KCNMA1: variants seen among roughly 807,000 people sequenced by gnomAD.
KCNMA1 encodes the protein potassium calcium-activated channel subfamily M alpha 1.
KCNMA1 carries 29 observed loss-of-function variants against 140.0 expected under a neutral mutation model. The observed-to-expected ratio is 0.21, with a 90% confidence interval of 0.15 to 0.28. The LOEUF is 0.28. KCNMA1 is among the 10% of genes least tolerant of loss of function. KCNMA1 has a pLI of 1.00. For missense variants in KCNMA1, 880 were observed against 1,602.2 expected, an observed-to-expected ratio of 0.55 and a Z score of 7.70; for synonymous variants, 612 against 611.9, an observed-to-expected ratio of 1.00 and a Z score of 0.00.
chr10:77,562,897 A>T (rs929650919), intron 1 of KCNMA1, among the ~76,000 whole-genome samples: 1 of 152,220 alleles, frequency 6.6e-6, no homozygotes, highest in African/African-American at 2.4e-5. Flanking sequence ...CAACGCAATA[A>T]AGTAGTGAGA....
At chr10:77,613,813 AG>A (rs1418742301) in intron 1 of KCNMA1, among the ~76,000 whole-genome samples, 1 of 152,216 alleles carries the variant, frequency 6.6e-6, no homozygotes, top group East Asian at 1.9e-4. Context: ...GGAAGGAAAG[AG>A]GAGATGGATG....
At chr10:77,344,408 C>T (rs2091704596) in intron 2 of KCNMA1, among the ~76,000 whole-genome samples, 1 of 152,120 alleles carries the variant, frequency 6.6e-6, no homozygotes, top group Non-Finnish European at 1.5e-5. Context: ...CATCAAGGAC[C>T]TTGGGTACTG....
chr10:77,519,120 G>T (rs1258932612), intron 1 of KCNMA1, among the ~76,000 whole-genome samples: 1 of 152,178 alleles, frequency 6.6e-6, no homozygotes, highest in East Asian at 1.9e-4. Context: ...CACACACCAC[G>T]TCTGCTCCAC....
chr10:76,986,941 T>C (rs2081416839), intron 19 of KCNMA1, among the ~76,000 whole-genome samples: 1 of 152,160 alleles, frequency 6.6e-6, no homozygotes, highest in Non-Finnish European at 1.5e-5. Context: ...TTGAGATCAA[T>C]CTATTCAAGA....
intron 3 of KCNMA1, among the ~76,000 whole-genome samples, chr10:77,238,666 A>C (rs993050562): frequency 1.3e-5 from 2 of 152,228 alleles, no homozygotes; most frequent in Non-Finnish European, 1.5e-5. Flanking sequence ...TATGTCATGC[A>C]GGGAAAAGTT....
intron 3 of KCNMA1, among the ~76,000 whole-genome samples, chr10:77,197,518 A>G (rs78633188): frequency 0.01 from 1,571 of 152,330 alleles, 36 homozygotes; most frequent in African/African-American, 0.035. Flanking sequence ...TTCAAGGGAC[A>G]TGGTGGCCTT....
chr10:77,229,445 T>C (rs991572566), intron 3 of KCNMA1, among the ~76,000 whole-genome samples: 3 of 152,212 alleles, frequency 2.0e-5, no homozygotes, highest in Non-Finnish European at 4.4e-5. Context: ...TCTCTGTTTC[T>C]ATCCATAATT....
chr10:77,348,352 A>T (rs2092455898), intron 2 of KCNMA1, among the ~76,000 whole-genome samples: 1 of 152,224 alleles, frequency 6.6e-6, no homozygotes, highest in Non-Finnish European at 1.5e-5. Context: ...GAGAGAAAGC[A>T]AAAGTGAAGA....
intron 1 of KCNMA1, among the ~76,000 whole-genome samples, chr10:77,562,805 C>T (rs767825558): frequency 6.6e-6 from 1 of 152,228 alleles, no homozygotes; most frequent in Non-Finnish European, 1.5e-5. Flanking sequence ...TTAGACACGT[C>T]TCCCCATACC....
intron 2 of KCNMA1, among the ~76,000 whole-genome samples, chr10:77,386,343 C>T (rs1481298537): frequency 6.6e-6 from 1 of 152,194 alleles, no homozygotes; most frequent in Non-Finnish European, 1.5e-5. Flanking sequence ...ACAGCCTAGG[C>T]CTTACAGTTA....
intron 2 of KCNMA1, among the ~76,000 whole-genome samples, chr10:77,281,179 T>C (rs1169346941): frequency 2.0e-5 from 3 of 152,072 alleles, no homozygotes; most frequent in East Asian, 1.9e-4. Context: ...AACTCAAATA[T>C]AAGACATGTT....
intron 5 of KCNMA1, among the ~76,000 whole-genome samples, chr10:77,163,475 A>G (rs1485305974): frequency 1.3e-5 from 2 of 152,114 alleles, no homozygotes; most frequent in Non-Finnish European, 2.9e-5. Context: ...ATCATTTGTC[A>G]TTCATTCCAT....
chr10:77,626,938 G>A (rs538893632), intron 1 of KCNMA1, among the ~76,000 whole-genome samples: 44 of 152,286 alleles, frequency 2.9e-4, no homozygotes, highest in Non-Finnish European at 4.6e-4. Flanking sequence ...CTAACTCTCA[G>A]AGGAGAAATT....
At chr10:77,629,603 G>T (rs139210409) in intron 1 of KCNMA1, among the ~76,000 whole-genome samples, 4 of 152,270 alleles carry the variant, frequency 2.6e-5, no homozygotes, top group Admixed American at 6.5e-5. Flanking sequence ...CCCTCAAGGA[G>T]TTTGCAGGCA....
chr10:77,511,549 T>A (rs111960026), intron 1 of KCNMA1, among the ~76,000 whole-genome samples: 1 of 152,114 alleles, frequency 6.6e-6, no homozygotes, highest in Admixed American at 6.5e-5. Context: ...TCTTTATCTC[T>A]AAGGGAGAGA....
chr10:77,171,624 A>G (rs1174031836), intron 5 of KCNMA1, among the ~76,000 whole-genome samples: 2 of 152,172 alleles, frequency 1.3e-5, no homozygotes, highest in Non-Finnish European at 2.9e-5. Context: ...AGGACGTGTC[A>G]GAGTTCCTGG....
intron 5 of KCNMA1, among the ~76,000 whole-genome samples, chr10:77,152,651 G>A (rs1449967664): frequency 6.6e-6 from 1 of 152,142 alleles, no homozygotes; most frequent in Non-Finnish European, 1.5e-5. Flanking sequence ...GGTTGAGGAG[G>A]CATTAAGTCC....
chr10:76,971,068 C>T (rs1048410848), intron 19 of KCNMA1: 1 of 152,162 alleles, frequency 6.6e-6, no homozygotes, highest in African/African-American at 2.4e-5. Flanking sequence ...CACCCAGGGG[C>T]ATCAGCGGCA....
chr10:77,111,272 G>A (rs182897259), intron 7 of KCNMA1, among the ~76,000 whole-genome samples: 36 of 152,346 alleles, frequency 2.4e-4, no homozygotes, highest in Admixed American at 2.3e-3. Flanking sequence ...CACAGGGCCT[G>A]TAGACGGTGG....
Sources: allele counts gnomAD v4.1 joint callset (sites outside exome capture counted in the v4.1 genomes callset), GRCh38; gene constraint gnomAD v4.1.1; transcripts MANE v1.5; gene names NCBI Gene and HGNC (gene_info 2026-07-23, HGNC 2026-07-21).